The following CNTN6 variants were observed in gnomAD, a reference collection of about 807,000 sequenced individuals.
CNTN6 encodes the protein contactin-6.
A neutral mutation model predicts 122.8 loss-of-function variants in CNTN6; 137 were observed. That is an observed-to-expected ratio of 1.12 (90% CI 0.97 to 1.29). CNTN6 has a LOEUF of 1.29. CNTN6 is among the 50% of genes most tolerant of loss of function. The pLI is 0.00. For missense variants in CNTN6, 1,634 were observed against 1,223.4 expected (o/e 1.34, Z -5.01); for synonymous variants, 570 against 426.0 (o/e 1.34, Z -4.16).
intron 4 of CNTN6, among the ~76,000 whole-genome samples, chr3:1,230,146 A>G (rs2094335697): frequency 6.6e-6 from 1 of 152,224 alleles, no homozygotes; most frequent in East Asian, 1.9e-4. Context: ...AATTTTTAAC[A>G]ATATCAATTG....
intron 4 of CNTN6, among the ~76,000 whole-genome samples, chr3:1,247,634 T>C (rs866930013): frequency 6.6e-6 from 1 of 152,126 alleles, no homozygotes; most frequent in Non-Finnish European, 1.5e-5. Flanking sequence ...GATAAAAATA[T>C]AACAACTGTT....
chr3:1,297,810 G>A (rs1696532725), intron 6 of CNTN6, 79 bp from the exon 7 acceptor site: 2 of 1,063,558 alleles, frequency 1.9e-6, no homozygotes, highest in Non-Finnish European at 2.9e-6. Context: ...AAATAATCAG[G>A]TTTTGGTTAA....
At chr3:1,223,432 G>T (rs979606065) in intron 3 of CNTN6, among the ~76,000 whole-genome samples, 1 of 152,170 alleles carries the variant, frequency 6.6e-6, no homozygotes, top group Non-Finnish European at 1.5e-5. Flanking sequence ...CTTTTTGAAA[G>T]AGCTTAAGCT....
At chr3:1,355,102 A>C (rs954098249) in intron 12 of CNTN6, among the ~76,000 whole-genome samples, 3 of 151,620 alleles carry the variant, frequency 2.0e-5, no homozygotes, top group Non-Finnish European at 4.4e-5. Flanking sequence ...AATAATGGGA[A>C]GGAAATTTTG....
rs566418429 is a variant in CNTN6, at chr3:1,254,552, G to T, written c.359-23861G>T. Among the ~76,000 whole-genome samples the T allele has an allele frequency of 3.3e-5, 5 of 152,084 alleles. No homozygotes were observed. In the South Asian group the frequency reaches 8.3e-4, roughly 25 times the overall value. ...TTTATTGAGCTATTATCATGTGTCA[G>T]ACTCTATCATGTGTGGAAGTTACAG... is the stretch of plus-strand genomic sequence containing the variant. On this transcript the variant is annotated intron_variant, in intron 4 of 22. Coordinates refer to ENST00000446702, the MANE Select transcript of CNTN6 (RefSeq NM_001289080.2).
At chr3:1,389,148 A>C (rs868243356) in intron 20 of CNTN6, among the ~76,000 whole-genome samples, 110 of 145,928 alleles carry the variant, frequency 7.5e-4, no homozygotes, top group African/African-American at 1.1e-3. Flanking sequence ...AAAAAATGTT[A>C]ACGGCAGCCA....
At chr3:1,328,274 G>C (rs1463816850) in intron 10 of CNTN6, among the ~76,000 whole-genome samples, 1 of 151,840 alleles carries the variant, frequency 6.6e-6, no homozygotes, top group African/African-American at 2.4e-5. Context: ...TGAGATTAAA[G>C]CAATTTGAGA....
intron 2 of CNTN6, among the ~76,000 whole-genome samples, chr3:1,173,040 A>G (rs537845387): frequency 1.3e-5 from 2 of 152,144 alleles, no homozygotes; most frequent in African/African-American, 4.8e-5. Context: ...AGCACTATTT[A>G]TATCACACCA....
intron 11 of CNTN6, among the ~76,000 whole-genome samples, chr3:1,347,842 G>T (rs1023862711): frequency 6.6e-6 from 1 of 151,978 alleles, no homozygotes; most frequent in Non-Finnish European, 1.5e-5. Context: ...TTCACGGAAG[G>T]GTTTTAAGCA....
At chr3:1,209,207 C>G (rs1301446663) in intron 2 of CNTN6, among the ~76,000 whole-genome samples, 1 of 152,172 alleles carries the variant, frequency 6.6e-6, no homozygotes, top group East Asian at 1.9e-4. Context: ...TGAAATACTT[C>G]ATATTTCATA....
In CNTN6 at chr3:1,373,767, G is replaced by C. The variant is rs771382189; in HGVS notation, c.1945+5G>C. ...GTTGGCAGGCTGTTGCTACAGGTGA[G>C]TGACAAAAGTGTTTTGGGTCACTTT... On this transcript the variant is annotated splice_donor_5th_base_variant and intron_variant, in intron 15 of 22. Transcript: ENST00000446702. 4 of 1,585,528 alleles carry C rather than the reference G, an allele frequency of 2.5e-6. No individual in the cohort carries two copies. Among genetic ancestry groups the C allele is most frequent in the East Asian group, 4.5e-5 (2 of 44,300 alleles).
rs184440118 is a variant in CNTN6, at chr3:1,382,468, T to C, written c.2167-474T>C. Reference sequence around the variant, plus strand: ...GGTCTTTTATACTTTTTTAAAGAAATATTCTGTGTCTTAAAGCATATGTTA... The same window carrying C: ...GGTCTTTTATACTTTTTTAAAGAAACATTCTGTGTCTTAAAGCATATGTTA... On this transcript the variant is annotated intron_variant, in intron 17 of 22. Transcript: ENST00000446702. Among the ~76,000 whole-genome samples the C allele has an allele frequency of 4.2e-3, 640 of 152,312 alleles. 7 individuals are homozygous for C. Among genetic ancestry groups the C allele is most frequent in the Non-Finnish European group, 6.3e-3 (426 of 68,008 alleles).
In CNTN6 at chr3:1,228,120, A is replaced by C. The variant is rs1003591189; in HGVS notation, c.358+127A>C. The stretch of plus-strand genomic sequence containing the variant: ...ATGAATATGACTTTATGGGCTTTTG[A>C]CAATGTTCATTTTGTGAATCTAGAT... On this transcript the variant is annotated intron_variant, in intron 4 of 22. Coordinates refer to ENST00000446702, the MANE Select transcript of CNTN6 (RefSeq NM_001289080.2). 8 of 800,624 alleles carry C rather than the reference A, an allele frequency of 1.0e-5. No individual in the cohort carries two copies. In the African/African-American group the frequency reaches 1.4e-4, roughly 14 times the overall value. The allele number at this position is 800,624 out of a possible 1,614,324, so 49.6% of individuals were successfully genotyped here.
intron 4 of CNTN6, among the ~76,000 whole-genome samples, chr3:1,249,012 G>A (rs531764642): frequency 6.6e-6 from 1 of 152,260 alleles, no homozygotes; most frequent in African/African-American, 2.4e-5. Flanking sequence ...TGATTCAGTA[G>A]GTCTAAAGTG....
chr3:1,098,484 A>C (rs1192663368), intron 1 of CNTN6, among the ~76,000 whole-genome samples: 1 of 151,692 alleles, frequency 6.6e-6, no homozygotes, highest in Admixed American at 6.6e-5. Context: ...GAAATTATAG[A>C]GAAAACAATA....
intron 1 of CNTN6, among the ~76,000 whole-genome samples, chr3:1,094,833 T>G (rs1003042668): frequency 3.9e-5 from 6 of 152,014 alleles, no homozygotes; most frequent in African/African-American, 1.4e-4. Context: ...TTCTTTTATG[T>G]GAGGAGAAGG....
chr3:1,191,889 T>C (rs2093707481), intron 2 of CNTN6, among the ~76,000 whole-genome samples: 1 of 152,190 alleles, frequency 6.6e-6, no homozygotes, highest in African/African-American at 2.4e-5. Context: ...GTCAAAAGTG[T>C]TGTGAGTAGA....
chr3:1,272,497 C>T (rs1188647942), intron 4 of CNTN6, among the ~76,000 whole-genome samples: 3 of 152,048 alleles, frequency 2.0e-5, no homozygotes, highest in Non-Finnish European at 4.4e-5. Context: ...AAATTTAAAA[C>T]ATTGCAATGA....
chr3:1,180,682 A>G (rs1408491707), intron 2 of CNTN6, among the ~76,000 whole-genome samples: 2 of 152,196 alleles, frequency 1.3e-5, no homozygotes, highest in Non-Finnish European at 2.9e-5. Context: ...TTTCACCAAT[A>G]TTTATGGAGA....
Sources: allele counts gnomAD v4.1 joint callset (sites outside exome capture counted in the v4.1 genomes callset), GRCh38; gene constraint gnomAD v4.1.1; transcripts MANE v1.5; gene names NCBI Gene and HGNC (gene_info 2026-07-23, HGNC 2026-07-21).